COX10: variants seen among roughly 807,000 people sequenced by gnomAD.
The protein encoded by COX10 is protoheme IX farnesyltransferase, mitochondrial.
In COX10, 27 loss-of-function variants were observed where a neutral mutation model predicts 37.3. The ratio of observed to expected loss-of-function variants is 0.72; its 90% CI spans 0.53 to 1.00. COX10 has a LOEUF of 1.00. COX10 is among the 50% of genes least tolerant of loss of function. The pLI is 0.00. For missense variants in COX10, 475 were observed against 563.2 expected, an observed-to-expected ratio of 0.84 and a Z score of 1.59; for synonymous variants, 222 against 229.1, an observed-to-expected ratio of 0.97 and a Z score of 0.28.
rs140910613 is a variant in COX10 at position 14,203,575 on chromosome 17, G to T, written c.929-3235G>T. 1.9e-4 allele frequency among the ~76,000 whole-genome samples: 29 copies of T among 152,298 alleles called. No individual in the cohort carries two copies. In the East Asian group the frequency reaches 5.0e-3, roughly 26 times the overall value. ...TCCTTTCTTTTAGATGACTTGCAAA[G>T]CCTGCCCCTAGTGTCACTCTGCACT... On this transcript the variant is annotated intron_variant, in intron 6 of 6. Coordinates refer to ENST00000261643, the MANE Select transcript of COX10 (RefSeq NM_001303.4).
At chr17:14,199,076 A>C (rs1906451866) in intron 6 of COX10, among the ~76,000 whole-genome samples, 1 of 152,188 alleles carries the variant, frequency 6.6e-6, no homozygotes, top group Non-Finnish European at 1.5e-5. Context: ...AGACCAAAAA[A>C]AAAAAAAGAG....
At chr17:14,147,572 G>C (rs1203099016) in intron 4 of COX10, among the ~76,000 whole-genome samples, 1 of 152,078 alleles carries the variant, frequency 6.6e-6, no homozygotes, top group Non-Finnish European at 1.5e-5. Context: ...CCTAGTATTT[G>C]ATAGTACAGC....
chr17:14,078,920 T>G (rs971263971), intron 3 of COX10, among the ~76,000 whole-genome samples: 1 of 152,104 alleles, frequency 6.6e-6, no homozygotes, highest in Non-Finnish European at 1.5e-5. Context: ...ACCATATTTG[T>G]TCCCCCGCCT....
chr17:14,138,985 T>C (rs1049080559), intron 4 of COX10, among the ~76,000 whole-genome samples: 4 of 152,138 alleles, frequency 2.6e-5, no homozygotes, highest in Non-Finnish European at 5.9e-5. Flanking sequence ...CCTCGATCAT[T>C]TACTTTATTT....
At position 14,181,893 on chromosome 17, in the gene COX10, T is replaced by G. The variant is rs1010109506; in HGVS notation, c.696-10096T>G. The G allele has an allele frequency of 5.3e-5, 36 of 675,270 alleles. 1 individual carries two copies. The highest frequency in any genetic ancestry group is 4.1e-4 in the African/African-American group (21 of 51,400). The allele number at this position is 675,270 out of a possible 1,614,324, so 41.8% of individuals were successfully genotyped here. A position where few individuals can be genotyped will look rare whatever the true frequency, so the allele number is the denominator to read the frequency against. ...AGTCTTTGTACAAATTACCCTTAAT[T>G]TAAGATGAATTGGTGTAGCATAATT... On this transcript the variant is annotated intron_variant, in intron 5 of 6. Transcript: ENST00000261643.
intron 6 of COX10, among the ~76,000 whole-genome samples, chr17:14,199,902 A>G (rs1424010840): frequency 6.6e-6 from 1 of 152,184 alleles, no homozygotes; most frequent in Non-Finnish European, 1.5e-5. Context: ...CCCCCAGTCT[A>G]CATAACCACA....
intron 3 of COX10, among the ~76,000 whole-genome samples, chr17:14,091,189 G>A (rs537273223): frequency 6.6e-6 from 1 of 152,160 alleles, no homozygotes; most frequent in Admixed American, 6.6e-5. Flanking sequence ...AGTCTGTTAC[G>A]CGATTTTGTA....
At chr17:14,158,388 A>G (rs1459632841) in intron 4 of COX10, among the ~76,000 whole-genome samples, 1 of 151,300 alleles carries the variant, frequency 6.6e-6, no homozygotes, top group East Asian at 1.9e-4. Context: ...TTCAGAATAA[A>G]TTTTCTTTCA....
At chr17:14,086,465 A>C (rs1447192747) in intron 3 of COX10, among the ~76,000 whole-genome samples, 1 of 152,132 alleles carries the variant, frequency 6.6e-6, no homozygotes, top group Non-Finnish European at 1.5e-5. Flanking sequence ...CTAATGTTTT[A>C]ATTGGGATTT....
chr17:14,206,833 C>G lies in COX10; in HGVS notation c.952C>G (p.Leu318Val). Residue 318 changes from leucine to valine, a missense_variant, in exon 7 of 7, where the codon CTC becomes GTC. Coordinates refer to ENST00000261643, the MANE Select transcript of COX10 (RefSeq NM_001303.4). ...DAGAFLLGGI[L>V]YSWQFPHFNA... ...AGGCGCATTTCTCCTGGGAGGAATC[C>G]TCTACTCCTGGCAGTTTCCTCATTT... The G allele has an allele frequency of 6.2e-7, 1 of 1,614,186 alleles. No homozygotes were observed. Among genetic ancestry groups the G allele is most frequent in the Non-Finnish European group, 8.5e-7 (1 of 1,180,022 alleles).
rs369941020 is a variant in COX10 at position 14,142,292 on chromosome 17, T to G, written c.625-17585T>G. Among the ~76,000 whole-genome samples the G allele has an allele frequency of 1.8e-4, 27 of 152,284 alleles. No individual in the cohort carries two copies. The East Asian group carries it at 4.0e-3, about 23-fold the overall frequency. On this transcript the variant is annotated intron_variant, in intron 4 of 6. Transcript: ENST00000261643. ...AGATAGTTGTGCAGACACGGAAAAA[T>G]CATATGTATTTCTGGATTTTAAGAA... is the stretch of plus-strand genomic sequence containing the variant.
intron 4 of COX10, among the ~76,000 whole-genome samples, chr17:14,153,155 C>G (rs964293872): frequency 6.6e-6 from 1 of 152,216 alleles, no homozygotes; most frequent in African/African-American, 2.4e-5. Context: ...CCCTTGTCAG[C>G]TTGGCAGTCA....
chr17:14,127,427 T>G, intron 4 of COX10, among the ~76,000 whole-genome samples: 1 of 152,156 alleles, frequency 6.6e-6, no homozygotes, highest in Non-Finnish European at 1.5e-5. Flanking sequence ...ACATACTGAG[T>G]GCAGGGAAGG....
At chr17:14,122,564 C>T (rs1404368015) in intron 4 of COX10, among the ~76,000 whole-genome samples, 1 of 151,836 alleles carries the variant, frequency 6.6e-6, no homozygotes. Flanking sequence ...AAATGATTTT[C>T]TGTGTGGGGC....
chr17:14,196,550 T>C (rs1482592580), intron 6 of COX10, among the ~76,000 whole-genome samples: 1 of 152,140 alleles, frequency 6.6e-6, no homozygotes, highest in Non-Finnish European at 1.5e-5. Context: ...GAGGAAGTCA[T>C]AGTTCATTCA....
intron 6 of COX10, among the ~76,000 whole-genome samples, chr17:14,193,209 C>T (rs1252184838): frequency 7.2e-5 from 11 of 152,208 alleles, no homozygotes; most frequent in African/African-American, 2.2e-4. Context: ...AGGAAGCCGG[C>T]GGCGCTGCCT....
chr17:14,180,331 T>G (rs1197327688), intron 5 of COX10, among the ~76,000 whole-genome samples: 1 of 152,200 alleles, frequency 6.6e-6, no homozygotes, highest in Admixed American at 6.5e-5. Flanking sequence ...AAATTTGGCC[T>G]CAACTTAATA....
intron 3 of COX10, among the ~76,000 whole-genome samples, chr17:14,086,576 T>C (rs905524074): frequency 6.6e-6 from 1 of 152,196 alleles, no homozygotes; most frequent in African/African-American, 2.4e-5. Flanking sequence ...TTTACTTAAA[T>C]AGATCAGTAC....
chr17:14,187,961 A>G (rs996909265), intron 5 of COX10, among the ~76,000 whole-genome samples: 1 of 152,242 alleles, frequency 6.6e-6, no homozygotes, highest in Non-Finnish European at 1.5e-5. Context: ...AAGGTCAGAA[A>G]CTAAACTTCC....
Sources: gnomAD v4.1 joint callset for allele counts (sites outside exome capture counted in the v4.1 genomes callset) on GRCh38, gnomAD v4.1.1 for gene constraint, MANE v1.5 for transcripts, NCBI Gene and HGNC (gene_info 2026-07-23, HGNC 2026-07-21) for gene names.